GRM5: variants seen among roughly 807,000 people sequenced by gnomAD.
The protein encoded by GRM5 is glutamate metabotropic receptor 5, also known as metabotropic glutamate receptor 5.
Under a neutral mutation model 83.1 loss-of-function variants are expected in GRM5, and 19 were observed. The ratio of observed to expected loss-of-function variants is 0.23; its 90% CI spans 0.16 to 0.34. GRM5 has a LOEUF of 0.34. GRM5 is among the 10% of genes least tolerant of loss of function. The pLI, the probability that GRM5 is intolerant of heterozygous loss-of-function variation, is 1.00. For missense variants in GRM5, 1,160 were observed against 1,588.3 expected (o/e 0.73, Z 4.58); for synonymous variants, 675 against 633.6 (o/e 1.07, Z -0.98).
At chr11:88,903,186 GTCA>G (rs1268655668) in intron 2 of GRM5, among the ~76,000 whole-genome samples, 1 of 151,942 alleles carries the variant, frequency 6.6e-6, no homozygotes, top group Non-Finnish European at 1.5e-5. Flanking sequence ...GAGGGTTTCT[GTCA>G]TCATCAAAGA....
intron 3 of GRM5, among the ~76,000 whole-genome samples, chr11:88,771,384 C>T (rs570705441): frequency 6.6e-6 from 1 of 152,116 alleles, no homozygotes; most frequent in Non-Finnish European, 1.5e-5. Context: ...GACAATGGAG[C>T]CTTCATTCCA....
chr11:88,708,216 G>T (rs963818757), intron 3 of GRM5, among the ~76,000 whole-genome samples: 9 of 152,026 alleles, frequency 5.9e-5, no homozygotes, highest in African/African-American at 2.2e-4. Context: ...TGAGTCCCAG[G>T]TTCGCTCCCC....
intron 4 of GRM5, among the ~76,000 whole-genome samples, chr11:88,635,737 T>A (rs865774154): frequency 6.6e-6 from 1 of 152,184 alleles, no homozygotes; most frequent in African/African-American, 2.4e-5. Flanking sequence ...TTTGGGGTCA[T>A]ACCCCCCAAA....
chr11:88,949,827 G>A (rs1231186931), intron 2 of GRM5, among the ~76,000 whole-genome samples: 1 of 152,008 alleles, frequency 6.6e-6, no homozygotes, highest in African/African-American at 2.4e-5. Flanking sequence ...CAGTATTTTA[G>A]GAGCCAAAAA....
intron 3 of GRM5, among the ~76,000 whole-genome samples, chr11:88,730,262 CAT>C (rs1377269823): frequency 2.0e-5 from 3 of 152,088 alleles, no homozygotes; most frequent in Non-Finnish European, 4.4e-5. Flanking sequence ...GGCCAACAAA[CAT>C]ATAAAAAAAG....
intron 2 of GRM5, among the ~76,000 whole-genome samples, chr11:88,973,363 A>T (rs572852764): frequency 6.6e-6 from 1 of 152,246 alleles, no homozygotes; most frequent in South Asian, 2.1e-4. Context: ...TTCTTTGCAG[A>T]TGTGAGTAAG....
At position 88,509,072 on chromosome 11, in the gene GRM5, C is replaced by T; in HGVS notation, c.3159G>A (p.Ser1053=). 2 of 1,552,742 alleles carry T rather than the reference C, an allele frequency of 1.3e-6. No homozygotes were observed. The highest frequency in any genetic ancestry group is 1.2e-5 in the South Asian group (1 of 84,252). The part of the protein sequence containing the change: ...HSEPVARSSS[S]QGSLMEQISS... ...TGATCTGCTCCATGAGGGAGCCCTG[C>T]GAGGAGCTGCTGCGCGCCACAGGCT... Residue 1053 remains serine, a synonymous_variant, in exon 10 of 10, where the codon TCG becomes TCA. Transcript: ENST00000305447.
chr11:88,616,543 C>G (rs1385800789), intron 4 of GRM5, among the ~76,000 whole-genome samples: 2 of 151,714 alleles, frequency 1.3e-5, no homozygotes, highest in Non-Finnish European at 2.9e-5. Flanking sequence ...ATTATGGTAG[C>G]TTAGTCCGGG....
Position 88,705,067 on chromosome 11 carries a change from T to G in GRM5, c.912-51664A>C, listed in dbSNP as rs931512289. ...CAAGAGGTTCTAATCTTGTTACAAG[T>G]GTGTAAGAAACTACATATGTTATAG... On this transcript the variant is annotated intron_variant, in intron 3 of 9. Transcript: ENST00000305447. Among the ~76,000 whole-genome samples, 14 of 152,214 alleles carry G rather than the reference T, an allele frequency of 9.2e-5. No homozygotes were observed. In the East Asian group the frequency reaches 2.7e-3, roughly 29 times the overall value.
chr11:88,800,810 G>T (rs1235430145), intron 3 of GRM5, among the ~76,000 whole-genome samples: 3 of 152,176 alleles, frequency 2.0e-5, no homozygotes, highest in Non-Finnish European at 4.4e-5. Flanking sequence ...TACCTGCTAG[G>T]CTACTTTCCA....
intron 2 of GRM5, among the ~76,000 whole-genome samples, chr11:88,857,287 C>A (rs1422065034): frequency 3.3e-5 from 5 of 151,932 alleles, no homozygotes. Context: ...ATTTTTGTCA[C>A]CATATTGCTT....
chr11:89,039,696 A>G (rs1027187531), intron 2 of GRM5, among the ~76,000 whole-genome samples: 11 of 152,210 alleles, frequency 7.2e-5, no homozygotes, highest in Non-Finnish European at 1.3e-4. Flanking sequence ...AGATACCTAA[A>G]GGTAGCAGTC....
intron 8 of GRM5, among the ~76,000 whole-genome samples, chr11:88,551,619 T>G (rs1942510720): frequency 6.6e-6 from 1 of 152,220 alleles, no homozygotes; most frequent in Admixed American, 6.5e-5. Flanking sequence ...TAGTAGATTT[T>G]AGAGCTAAAA....
intron 8 of GRM5, among the ~76,000 whole-genome samples, chr11:88,544,566 T>A (rs552651623): frequency 6.6e-6 from 1 of 152,202 alleles, no homozygotes; most frequent in Non-Finnish European, 1.5e-5. Flanking sequence ...TGCTGCCCTC[T>A]AGGGGGCCTT....
At chr11:88,525,469 T>A in intron 8 of GRM5, 65 bp from the exon 9 acceptor site, 1 of 1,008,098 alleles carries the variant, frequency 9.9e-7, no homozygotes, top group Non-Finnish European at 1.6e-6. Context: ...ACTGCCAGGC[T>A]GAGGAACGGC....
In GRM5 at chr11:88,603,019, T is replaced by C. The variant is rs553164557; in HGVS notation, c.1394+1699A>G. Among the ~76,000 whole-genome samples, 3 of 152,304 alleles carry C rather than the reference T, an allele frequency of 2.0e-5. No individual in the cohort carries two copies. In the South Asian group the frequency reaches 6.2e-4, roughly 32 times the overall value. ...CATGGGTTAATGTTATACTCAAACC[T>C]AGTAGTGCAAGGATAGACTCAAAGC... On this transcript the variant is annotated intron_variant, in intron 5 of 9. Coordinates refer to ENST00000305447, the MANE Select transcript of GRM5 (RefSeq NM_001143831.3).
At chr11:88,552,570 G>T (rs2135148905) in intron 8 of GRM5, among the ~76,000 whole-genome samples, 1 of 152,228 alleles carries the variant, frequency 6.6e-6, no homozygotes, top group Admixed American at 6.5e-5. Context: ...TGGGCAGAAA[G>T]GCTTTCTCAC....
intron 2 of GRM5, among the ~76,000 whole-genome samples, chr11:88,923,479 G>T (rs1402501739): frequency 6.6e-6 from 1 of 152,092 alleles, no homozygotes; most frequent in Non-Finnish European, 1.5e-5. Flanking sequence ...TCACTCATTT[G>T]CAGGGGCAAA....
At chr11:88,957,012 T>A (rs1404313283) in intron 2 of GRM5, among the ~76,000 whole-genome samples, 3 of 152,176 alleles carry the variant, frequency 2.0e-5, no homozygotes, top group Non-Finnish European at 4.4e-5. Flanking sequence ...AAATTCTCAG[T>A]AATTATCAGT....
Sources: allele counts gnomAD v4.1 joint callset (sites outside exome capture counted in the v4.1 genomes callset), GRCh38; gene constraint gnomAD v4.1.1; transcripts MANE v1.5; gene names NCBI Gene and HGNC (gene_info 2026-07-23, HGNC 2026-07-21).